Variants in SLC24A3 observed in about 807,000 individuals in gnomAD.
The protein encoded by SLC24A3 is sodium/potassium/calcium exchanger 3.
Under a neutral mutation model 75.8 loss-of-function variants are expected in SLC24A3, and 28 were observed. The ratio of observed to expected loss-of-function variants is 0.37; its 90% CI spans 0.27 to 0.51. SLC24A3 has a LOEUF of 0.51. Ranked by LOEUF, SLC24A3 falls within the 20% of genes least tolerant of loss-of-function variation. SLC24A3 has a pLI of 0.94. For missense variants in SLC24A3, 663 were observed against 847.8 expected, an observed-to-expected ratio of 0.78 and a Z score of 2.71; for synonymous variants, 372 against 334.1, an observed-to-expected ratio of 1.11 and a Z score of -1.24.
At chr20:19,272,773 T>A (rs1414691085) in intron 1 of SLC24A3, among the ~76,000 whole-genome samples, 2 of 152,194 alleles carry the variant, frequency 1.3e-5, no homozygotes, top group East Asian at 3.9e-4. Flanking sequence ...GTAGCTCTAA[T>A]GAAGTGCTGG....
intron 1 of SLC24A3, among the ~76,000 whole-genome samples, chr20:19,245,813 T>G (rs1368308565): frequency 1.3e-5 from 2 of 151,946 alleles, no homozygotes; most frequent in Non-Finnish European, 2.9e-5. Context: ...TAACATAGTC[T>G]CAACATGTCA....
intron 2 of SLC24A3, among the ~76,000 whole-genome samples, chr20:19,437,631 A>G (rs1295280143): frequency 2.0e-5 from 3 of 152,286 alleles, no homozygotes; most frequent in Non-Finnish European, 2.9e-5. Flanking sequence ...ATCCAGGCCA[A>G]TTGACCCAAA....
chr20:19,391,423 A>G (rs528719110), intron 2 of SLC24A3, among the ~76,000 whole-genome samples: 1 of 152,282 alleles, frequency 6.6e-6, no homozygotes. Context: ...TCAGATCTCC[A>G]AGGTGAAGCA....
intron 1 of SLC24A3, among the ~76,000 whole-genome samples, chr20:19,250,246 A>G (rs1206435845): frequency 6.6e-6 from 1 of 152,228 alleles, no homozygotes; most frequent in Non-Finnish European, 1.5e-5. Flanking sequence ...TACAATTTGC[A>G]CAAGGTTTTA....
intron 6 of SLC24A3, among the ~76,000 whole-genome samples, chr20:19,635,422 AG>A (rs1301330615): frequency 6.6e-6 from 1 of 152,218 alleles, no homozygotes; most frequent in Admixed American, 6.5e-5. Flanking sequence ...AGGTTGATGA[AG>A]AAGGAGTAAT....
chr20:19,632,321 TA>T (rs2031944087), intron 6 of SLC24A3, among the ~76,000 whole-genome samples: 1 of 152,190 alleles, frequency 6.6e-6, no homozygotes, highest in South Asian at 2.1e-4. Flanking sequence ...GTTAGAAGTC[TA>T]AAATCGAGGT....
chr20:19,349,072 C>G (rs1477461079), intron 2 of SLC24A3, among the ~76,000 whole-genome samples: 1 of 152,148 alleles, frequency 6.6e-6, no homozygotes, highest in Non-Finnish European at 1.5e-5. Context: ...TGTAGGCTAG[C>G]CCAGCAATAC....
chr20:19,480,721 G>A (rs928244701), intron 2 of SLC24A3, among the ~76,000 whole-genome samples: 1 of 123,290 alleles, frequency 8.1e-6, no homozygotes, highest in Non-Finnish European at 1.8e-5. Context: ...TTGCAGAAAG[G>A]GGGAAGTTCC....
intron 6 of SLC24A3, among the ~76,000 whole-genome samples, chr20:19,614,373 A>G (rs1439856296): frequency 6.6e-6 from 1 of 152,224 alleles, no homozygotes; most frequent in African/African-American, 2.4e-5. Context: ...ATGACCTGTT[A>G]TTATGCTCTT....
At chr20:19,673,546 G>A in intron 8 of SLC24A3, 55 bp from the exon 9 acceptor site, 1 of 1,475,876 alleles carries the variant, frequency 6.8e-7, no homozygotes, top group South Asian at 1.1e-5. Flanking sequence ...AAATGAGGCA[G>A]GTGAGTTTCA....
rs573747556 is a variant in SLC24A3, at chr20:19,520,065, T to G, written c.348+4501T>G. On this transcript the variant is annotated intron_variant, in intron 3 of 16. Coordinates refer to ENST00000328041, the MANE Select transcript of SLC24A3 (RefSeq NM_020689.4). ...TTCCTGTCTTCTGGAAGGCAGATAT[T>G]TCTATATGCTTGTGTGTATGAGAGT... is the stretch of plus-strand genomic sequence containing the variant. Among the ~76,000 whole-genome samples the G allele has an allele frequency of 9.2e-5, 14 of 152,308 alleles. No individual in the cohort carries two copies. In the South Asian group the frequency reaches 1.9e-3, roughly 20 times the overall value.
rs755931195 is a variant in SLC24A3, at chr20:19,584,972, G to A, written c.425G>A (p.Arg142His). The A allele has an allele frequency of 2.9e-5, 47 of 1,613,218 alleles. No homozygotes were observed. Among genetic ancestry groups the A allele is most frequent in the Admixed American group, 1.5e-4 (9 of 59,984 alleles). ...TGCTTTGTCTTTGCTCCTCTGTAGC[G>A]CCTGCACCTCAGTGAAGATGTGGCT... The part of the protein sequence containing the change: ...FVPSLEKICE[R>H]LHLSEDVAGA... Residue 142 changes from arginine to histidine, a missense_variant and splice_region_variant, in exon 5 of 17, where the codon CGC becomes CAC. By Grantham distance (29) the Arg-to-His change is conservative (BLOSUM62 0). Around this residue, in one of 2 missense-constraint regions of SLC24A3, gnomAD observed 510 missense variants for 703.6 expected, o/e 0.72. Coordinates refer to ENST00000328041, the MANE Select transcript of SLC24A3 (RefSeq NM_020689.4).
intron 3 of SLC24A3, among the ~76,000 whole-genome samples, chr20:19,533,508 A>G (rs2030341123): frequency 6.6e-6 from 1 of 152,204 alleles, no homozygotes; most frequent in South Asian, 2.1e-4. Flanking sequence ...TTAGAAGAAG[A>G]GGCAATACCT....
intron 6 of SLC24A3, among the ~76,000 whole-genome samples, chr20:19,627,283 C>A (rs1216133162): frequency 6.6e-6 from 1 of 152,222 alleles, no homozygotes; most frequent in Non-Finnish European, 1.5e-5. Context: ...CAACCACTAT[C>A]TTCTTCATTT....
chr20:19,439,815 G>A (rs1987269180), intron 2 of SLC24A3, among the ~76,000 whole-genome samples: 1 of 152,196 alleles, frequency 6.6e-6, no homozygotes. Flanking sequence ...CAATAACACG[G>A]TCTCTCCGTG....
intron 2 of SLC24A3, among the ~76,000 whole-genome samples, chr20:19,285,477 CAAAAAAAAAAAA>C (rs35866612): frequency 3.3e-4 from 14 of 43,044 alleles, no homozygotes; most frequent in Non-Finnish European, 5.7e-4. Flanking sequence ...GACCCTGTCT[CAAAAAAAAAAAA>C]AAAAAAAAAA....
chr20:19,496,428 A>T (rs762830352), intron 2 of SLC24A3, among the ~76,000 whole-genome samples: 2 of 152,162 alleles, frequency 1.3e-5, no homozygotes, highest in African/African-American at 2.4e-5. Flanking sequence ...TAGCTCAGGG[A>T]TGTGGGGAAC....
At chr20:19,556,576 GAAAAAAAA>G (rs10591708) in intron 3 of SLC24A3, among the ~76,000 whole-genome samples, 5 of 131,026 alleles carry the variant, frequency 3.8e-5, no homozygotes, top group Admixed American at 2.3e-4. Flanking sequence ...GCCAGTGTGT[GAAAAAAAA>G]AAAAAAAAAA....
At chr20:19,294,618 A>G (rs1283637892) in intron 2 of SLC24A3, among the ~76,000 whole-genome samples, 1 of 152,046 alleles carries the variant, frequency 6.6e-6, no homozygotes, top group Non-Finnish European at 1.5e-5. Flanking sequence ...ACACTATCTC[A>G]TTCCTTTTTA....
Sources: allele counts gnomAD v4.1 joint callset (sites outside exome capture counted in the v4.1 genomes callset), GRCh38; gene constraint gnomAD v4.1.1; regional missense constraint gnomAD v4.1.1; transcripts MANE v1.5; gene names NCBI Gene and HGNC (gene_info 2026-07-23, HGNC 2026-07-21).